Variants in GBE1 observed in about 807,000 individuals in gnomAD.
GBE1 encodes the protein 1,4-alpha-glucan branching enzyme 1, also known as 1,4-alpha-glucan-branching enzyme.
A neutral mutation model predicts 88.8 loss-of-function variants in GBE1; 70 were observed. The ratio of observed to expected loss-of-function variants is 0.79; its 90% confidence interval spans 0.65 to 0.96. The LOEUF (loss-of-function observed/expected upper bound fraction) is 0.96, where lower values mean the gene tolerates loss of function less well. GBE1 is among the 40% of genes least tolerant of loss of function. The pLI, the probability that GBE1 is intolerant of heterozygous loss-of-function variation, is 0.00. For synonymous variants in GBE1, 284 were observed against 300.1 expected (o/e 0.95, Z 0.56); for missense variants, 872 against 871.0 (o/e 1.00, Z -0.01).
At chr3:81,702,087 G>GAC (rs1400923485) in intron 2 of GBE1, among the ~76,000 whole-genome samples, 1 of 21,508 alleles carries the variant, frequency 4.6e-5, no homozygotes, top group Non-Finnish European at 8.4e-5. Context: ...TCCCTGGAGA[G>GAC]AGAGAGAGAG....
chr3:81,604,944 T>TA (rs1287995896), intron 7 of GBE1, among the ~76,000 whole-genome samples: 1 of 152,176 alleles, frequency 6.6e-6, no homozygotes, highest in Non-Finnish European at 1.5e-5. Flanking sequence ...CCGTATTGTT[T>TA]ATTAGAAGTT....
At chr3:81,494,652 T>G (rs1702479066) in intron 15 of GBE1, among the ~76,000 whole-genome samples, 1 of 152,204 alleles carries the variant, frequency 6.6e-6, no homozygotes, top group African/African-American at 2.4e-5. Flanking sequence ...CAACGTAGTA[T>G]ACAGCCATGA....
chr3:81,717,842 CA>C, intron 1 of GBE1, among the ~76,000 whole-genome samples: 1 of 152,014 alleles, frequency 6.6e-6, no homozygotes, highest in Non-Finnish European at 1.5e-5. Context: ...CCACAAAAAC[CA>C]AAAAGTACAT....
At chr3:81,738,711 C>T (rs1575772669) in intron 1 of GBE1, among the ~76,000 whole-genome samples, 2 of 152,190 alleles carry the variant, frequency 1.3e-5, no homozygotes, top group East Asian at 1.9e-4. Flanking sequence ...ATAATATTTA[C>T]AGAGCACGTA....
At chr3:81,493,556 G>T (rs1436582683) in intron 15 of GBE1, among the ~76,000 whole-genome samples, 1 of 150,226 alleles carries the variant, frequency 6.7e-6, no homozygotes, top group Non-Finnish European at 1.5e-5. Flanking sequence ...TTTTTAGAAG[G>T]AGTTTCGCTC....
chr3:81,642,728 A>G, intron 7 of GBE1, 53 bp downstream of exon 7: 2 of 1,147,800 alleles, frequency 1.7e-6, no homozygotes, highest in Non-Finnish European at 2.6e-6. Flanking sequence ...AATTCTTAAA[A>G]ATTAATGTTA....
intron 3 of GBE1, among the ~76,000 whole-genome samples, chr3:81,668,395 A>AT (rs1278316616): frequency 6.6e-6 from 1 of 152,236 alleles, no homozygotes; most frequent in Non-Finnish European, 1.5e-5. Context: ...AATAATTAAG[A>AT]TAACAGGTAT....
intron 14 of GBE1, among the ~76,000 whole-genome samples, chr3:81,513,311 A>G (rs1702749375): frequency 6.6e-6 from 1 of 151,788 alleles, no homozygotes; most frequent in Non-Finnish European, 1.5e-5. Flanking sequence ...GGCAAATAGT[A>G]CAAGAGTGAG....
At chr3:81,663,308 T>C (rs1325096893) in intron 3 of GBE1, among the ~76,000 whole-genome samples, 1 of 151,924 alleles carries the variant, frequency 6.6e-6, no homozygotes, top group Non-Finnish European at 1.5e-5. Context: ...TGGCCAGACG[T>C]CGAGAGGACC....
Position 81,670,845 on chromosome 3 carries a change from T to G in GBE1, c.422A>C (p.Lys141Thr). Residue 141 changes from lysine (K) to threonine (T), a missense_variant, in exon 3 of 16, where the codon AAA (lysine) becomes ACA (threonine). Physicochemically the swap from Lys to Thr is moderately conservative, Grantham distance 78 (BLOSUM62 -1). Coordinates refer to ENST00000429644, the MANE Select transcript of GBE1 (RefSeq NM_000158.4). ...TAGGAGGGAGGAAAGTACCTTTAAT[T>G]TGGATCCATGAGGCACGAGTACAGA... ...NKSVLVPHGS[K>T]LKVVITSKSG... is the part of the protein sequence containing the mutation. 1 of 1,526,068 alleles carries G rather than the reference T, an allele frequency of 6.6e-7. No homozygotes were observed. Among genetic ancestry groups the G allele is most frequent in the Non-Finnish European group, 8.8e-7 (1 of 1,136,406 alleles). The allele number at this position is 1,526,068 out of a possible 1,614,324, so 94.5% of individuals were successfully genotyped here. A position where few individuals can be genotyped will look rare whatever the true frequency, so the allele number is the denominator to read the frequency against.
At chr3:81,501,156 C>T (rs966886391) in intron 14 of GBE1, among the ~76,000 whole-genome samples, 1 of 152,086 alleles carries the variant, frequency 6.6e-6, no homozygotes, top group Non-Finnish European at 1.5e-5. Flanking sequence ...ATTTAATGTG[C>T]CTTTTACACA....
chr3:81,758,826 G>C (rs1706638083), intron 1 of GBE1, among the ~76,000 whole-genome samples: 1 of 152,124 alleles, frequency 6.6e-6, no homozygotes, highest in Non-Finnish European at 1.5e-5. Context: ...AAGGTGAAAA[G>C]AACAACTAAT....
chr3:81,700,736 ACTT>A (rs1312100735), intron 2 of GBE1, among the ~76,000 whole-genome samples: 6 of 152,038 alleles, frequency 3.9e-5, no homozygotes, highest in Admixed American at 2.0e-4. Context: ...ACAGTTAAAA[ACTT>A]CTTCTTGCTA....
Position 81,610,676 on chromosome 3 carries a change from C to T in GBE1, c.993-16653G>A, listed in dbSNP as rs898927535. 9.2e-5 allele frequency among the ~76,000 whole-genome samples: 14 copies of T among 152,120 alleles called. 1 individual carries two copies. The highest frequency in any genetic ancestry group is 4.1e-4 in the South Asian group (2 of 4,822). On this transcript the variant is annotated intron_variant, in intron 7 of 15. Transcript: ENST00000429644. ...TAGCTCTCTGAAGCGCCAAGGCTTG[C>T]GGAGAACACCTGTGACTGCAGGTGG...
intron 2 of GBE1, among the ~76,000 whole-genome samples, chr3:81,702,100 AGAGTGTGT>A (rs766205216): frequency 0.074 from 5,459 of 74,072 alleles, 108 homozygotes; most frequent in Middle Eastern, 0.12. Flanking sequence ...AGAGAGAGAG[AGAGTGTGT>A]GTGTGTGTGT....
chr3:81,752,635 T>C (rs372929108), intron 1 of GBE1, among the ~76,000 whole-genome samples: 1 of 152,218 alleles, frequency 6.6e-6, no homozygotes, highest in African/African-American at 2.4e-5. Context: ...AATTTCTTTA[T>C]CATTTCCTCT....
At chr3:81,719,486 G>T (rs985885902) in intron 1 of GBE1, among the ~76,000 whole-genome samples, 3 of 152,116 alleles carry the variant, frequency 2.0e-5, no homozygotes, top group African/African-American at 7.2e-5. Context: ...CAAAGTGCTG[G>T]GATTACAGGC....
At chr3:81,547,619 C>T (rs1195551262) in intron 12 of GBE1, among the ~76,000 whole-genome samples, 2 of 133,962 alleles carry the variant, frequency 1.5e-5, no homozygotes, top group East Asian at 2.2e-4. Context: ...CTTCTAGGTT[C>T]GTTTGTTCTC....
intron 1 of GBE1, among the ~76,000 whole-genome samples, chr3:81,746,234 G>A (rs1022102155): frequency 1.3e-5 from 2 of 152,144 alleles, no homozygotes; most frequent in Non-Finnish European, 2.9e-5. Context: ...ACTGTGAAAT[G>A]AGAGGGTTCT....
Sources: gnomAD v4.1 joint callset for allele counts (sites outside exome capture counted in the v4.1 genomes callset) on GRCh38, gnomAD v4.1.1 for gene constraint, MANE v1.5 for transcripts, NCBI Gene and HGNC (gene_info 2026-07-23, HGNC 2026-07-21) for gene names.